The following KLF12 variants were observed in gnomAD, a reference collection of about 807,000 sequenced individuals.
KLF12 encodes the protein KLF transcription factor 12, also known as Krueppel-like factor 12.
Under a neutral mutation model 37.8 loss-of-function variants are expected in KLF12, and 9 were observed. The observed-to-expected ratio is 0.24, with a 90% CI of 0.14 to 0.42. The LOEUF is 0.42. KLF12 is among the 10% of genes least tolerant of loss of function. The pLI, the probability that KLF12 is intolerant of heterozygous loss-of-function variation, is 1.00. For synonymous variants in KLF12, 208 were observed against 202.1 expected (o/e 1.03, Z -0.25); for missense variants, 411 against 516.0 (o/e 0.80, Z 1.97).
At chr13:73,813,365 T>G in intron 4 of KLF12, 78 bp from the exon 5 acceptor site, 1 of 1,488,142 alleles carries the variant, frequency 6.7e-7, no homozygotes, top group Non-Finnish European at 9.3e-7. Flanking sequence ...ACATCAAGTA[T>G]GGAACTTCTG....
chr13:73,817,268 C>T (rs1331769508), intron 4 of KLF12, among the ~76,000 whole-genome samples: 6 of 145,724 alleles, frequency 4.1e-5, no homozygotes, highest in Admixed American at 1.4e-4. Flanking sequence ...CAGTGAGCTA[C>T]GATCACACCA....
At chr13:74,171,262 G>T in the KLF12 span, among the ~76,000 whole-genome samples, 3 of 152,106 alleles carry the variant, frequency 2.0e-5, no homozygotes, top group Non-Finnish European at 4.4e-5. Flanking sequence ...CACATTTTCT[G>T]CCCAAGTCTG....
chr13:73,862,598 G>A (rs1049300937), intron 3 of KLF12, among the ~76,000 whole-genome samples: 7 of 150,116 alleles, frequency 4.7e-5, no homozygotes, highest in African/African-American at 1.2e-4. Flanking sequence ...ATTTTAAGAC[G>A]ACTATGTTTC....
At chr13:74,133,329 C>T (rs943048623) in intron 1 of KLF12, among the ~76,000 whole-genome samples, 3 of 151,858 alleles carry the variant, frequency 2.0e-5, no homozygotes, top group African/African-American at 7.3e-5. Flanking sequence ...CCCCTCCCCC[C>T]CAAGTTCAGC....
At chr13:73,854,292 T>A (rs1253005153) in intron 3 of KLF12, among the ~76,000 whole-genome samples, 1 of 152,238 alleles carries the variant, frequency 6.6e-6, no homozygotes, top group Non-Finnish European at 1.5e-5. Context: ...GCTAGATACA[T>A]ATTTTAAAAT....
At chr13:74,017,320 A>G (rs1892718366) in intron 1 of KLF12, among the ~76,000 whole-genome samples, 2 of 146,684 alleles carry the variant, frequency 1.4e-5, no homozygotes, top group East Asian at 2.1e-4. Context: ...ATGTGAACTT[A>G]TAAGTTATGT....
intron 5 of KLF12, among the ~76,000 whole-genome samples, chr13:73,811,142 C>T (rs942092657): frequency 4.6e-5 from 7 of 151,624 alleles, no homozygotes; most frequent in African/African-American, 7.3e-5. Flanking sequence ...CCCACCACCA[C>T]GCCCAGCTAA....
At chr13:73,894,152 T>C (rs2139038983) in intron 3 of KLF12, among the ~76,000 whole-genome samples, 1 of 152,196 alleles carries the variant, frequency 6.6e-6, no homozygotes, top group South Asian at 2.1e-4. Flanking sequence ...TGGAGGCAAG[T>C]GAGCAAGCAG....
the KLF12 span, among the ~76,000 whole-genome samples, chr13:74,197,890 C>G: frequency 6.6e-6 from 1 of 151,914 alleles, no homozygotes; most frequent in Non-Finnish European, 1.5e-5. Flanking sequence ...CCATCTGGAA[C>G]AAAGAGGGCA....
chr13:73,871,896 A>G (rs1886488775), intron 3 of KLF12, among the ~76,000 whole-genome samples: 1 of 152,188 alleles, frequency 6.6e-6, no homozygotes, highest in Admixed American at 6.5e-5. Context: ...GTAGTTTCGA[A>G]TGACATTCAA....
At chr13:74,098,257 CT>C (rs1175852352) in intron 1 of KLF12, among the ~76,000 whole-genome samples, 1 of 152,158 alleles carries the variant, frequency 6.6e-6, no homozygotes, top group Non-Finnish European at 1.5e-5. Flanking sequence ...ATTGCATGCA[CT>C]TTTATTAAGT....
At chr13:73,726,002 G>C (rs1263210498) in intron 6 of KLF12, among the ~76,000 whole-genome samples, 1 of 152,094 alleles carries the variant, frequency 6.6e-6, no homozygotes, top group Non-Finnish European at 1.5e-5. Flanking sequence ...CCAAGTAGCT[G>C]GGGTTACAGG....
At chr13:74,204,564 A>G in the KLF12 span, among the ~76,000 whole-genome samples, 2 of 152,172 alleles carry the variant, frequency 1.3e-5, no homozygotes, top group African/African-American at 4.8e-5. Context: ...TTCTATGAAG[A>G]TCATTTAGGT....
At chr13:73,987,022 T>C (rs188302875) in intron 2 of KLF12, among the ~76,000 whole-genome samples, 251 of 152,324 alleles carry the variant, frequency 1.6e-3, no homozygotes, top group African/African-American at 5.4e-3. Flanking sequence ...TAAAAATAAA[T>C]TCACTTTCAT....
intron 5 of KLF12, among the ~76,000 whole-genome samples, chr13:73,771,921 G>A (rs1424721709): frequency 1.3e-5 from 2 of 152,212 alleles, no homozygotes; most frequent in Non-Finnish European, 2.9e-5. Flanking sequence ...AAGAAGAGGA[G>A]CTAAGTTACT....
chr13:74,297,727 A>G, the KLF12 span, among the ~76,000 whole-genome samples: 7 of 152,240 alleles, frequency 4.6e-5, no homozygotes, highest in African/African-American at 1.4e-4. Flanking sequence ...TGTTATACAG[A>G]GATTTCTATA....
intron 1 of KLF12, among the ~76,000 whole-genome samples, chr13:74,068,784 T>TGGA (rs1472780216): frequency 6.6e-6 from 1 of 152,182 alleles, no homozygotes; most frequent in Non-Finnish European, 1.5e-5. Context: ...CTCGAACTCC[T>TGGA]GGCCTCAAGT....
chr13:74,220,877 T>C, the KLF12 span, among the ~76,000 whole-genome samples: 20 of 152,354 alleles, frequency 1.3e-4, no homozygotes, highest in African/African-American at 4.6e-4. Context: ...TAGCATTCCA[T>C]TGTGTATATA....
intron 1 of KLF12, among the ~76,000 whole-genome samples, chr13:74,049,812 C>T (rs544392559): frequency 3.9e-5 from 6 of 152,180 alleles, no homozygotes; most frequent in South Asian, 2.1e-4. Flanking sequence ...TCTCATTCTC[C>T]GAACTCAGGA....
Sources: allele counts gnomAD v4.1 joint callset (sites outside exome capture counted in the v4.1 genomes callset), GRCh38; gene constraint gnomAD v4.1.1; transcripts MANE v1.5; gene names NCBI Gene and HGNC (gene_info 2026-07-23, HGNC 2026-07-21).